The following SLC43A2 variants were observed in gnomAD, a reference collection of about 807,000 sequenced individuals.
The protein encoded by SLC43A2 is large neutral amino acids transporter small subunit 4.
Under a neutral mutation model 63.2 loss-of-function variants are expected in SLC43A2, and 38 were observed. The observed-to-expected ratio is 0.60, with a 90% confidence interval of 0.46 to 0.79. The LOEUF is 0.79. SLC43A2 is among the 30% of genes least tolerant of loss of function. The pLI is 0.00. For missense variants in SLC43A2, 644 were observed against 756.2 expected (o/e 0.85, Z 1.74); for synonymous variants, 322 against 331.0 (o/e 0.97, Z 0.30).
intron 13 of SLC43A2, 44 bp from the exon 14 acceptor site, chr17:1,575,809 G>T: frequency 6.4e-7 from 1 of 1,556,628 alleles, no homozygotes; most frequent in South Asian, 1.2e-5. Flanking sequence ...GTGGTGGTGC[G>T]CCGAGGCTGC....
At chr17:1,627,042 A>T (rs2151085938) in intron 2 of SLC43A2, among the ~76,000 whole-genome samples, 1 of 152,288 alleles carries the variant, frequency 6.6e-6, no homozygotes, top group East Asian at 1.9e-4. Context: ...TCCAGTGACA[A>T]GGCAAAGAGG....
intron 2 of SLC43A2, among the ~76,000 whole-genome samples, chr17:1,622,779 T>C (rs968229373): frequency 6.6e-6 from 1 of 151,880 alleles, no homozygotes; most frequent in East Asian, 1.9e-4. Flanking sequence ...CCGGGTGTGG[T>C]GGTGGGCACC....
chr17:1,611,909 C>CAT (rs1907142445), intron 5 of SLC43A2, among the ~76,000 whole-genome samples: 1 of 9,602 alleles, frequency 1.0e-4, no homozygotes, highest in Non-Finnish European at 8.2e-3. Flanking sequence ...TGGGCGAGCC[C>CAT]ACAGAGTTCC....
chr17:1,591,441 A>G lies in SLC43A2; in HGVS notation c.759T>C (p.Phe253=). The G allele has an allele frequency of 6.2e-7, 1 of 1,613,278 alleles. No homozygotes were observed. Among genetic ancestry groups the G allele is most frequent in the Non-Finnish European group, 8.5e-7 (1 of 1,179,920 alleles). ...SVKIKFSWLG[F]DHKITGKQFY... is the part of the protein sequence containing the mutation. The stretch of plus-strand genomic sequence containing the variant: ...ACTGCTTCCCTGTGATCTTGTGGTC[A>G]AAGCCCAGCCAGCTGAACTTGATCT... Residue 253 remains phenylalanine, a synonymous_variant, in exon 8 of 14, where the codon TTT becomes TTC. Transcript: ENST00000301335.
chr17:1,613,053 C>A (rs996588501), intron 5 of SLC43A2, 142 bp downstream of exon 5: 6 of 714,282 alleles, frequency 8.4e-6, no homozygotes, highest in Non-Finnish European at 1.4e-5. Context: ...TGCCAGGCCA[C>A]CTCGCCCATA....
At chr17:1,617,460 G>A (rs1330794324) in intron 2 of SLC43A2, among the ~76,000 whole-genome samples, 7 of 151,916 alleles carry the variant, frequency 4.6e-5, no homozygotes, top group African/African-American at 9.7e-5. Context: ...GCACGATCTC[G>A]GCTCACTGCA....
At chr17:1,598,250 G>A (rs913707507) in intron 5 of SLC43A2, among the ~76,000 whole-genome samples, 3 of 152,130 alleles carry the variant, frequency 2.0e-5, no homozygotes, top group African/African-American at 7.2e-5. Context: ...GTGAAACCTT[G>A]TCTCTACTAG....
At chr17:1,625,982 A>T (rs1199159169) in intron 2 of SLC43A2, among the ~76,000 whole-genome samples, 1 of 145,990 alleles carries the variant, frequency 6.8e-6, no homozygotes, top group South Asian at 2.2e-4. Context: ...CCATACAATC[A>T]ATTAAATCCG....
At chr17:1,602,096 C>T (rs1906102467) in intron 5 of SLC43A2, among the ~76,000 whole-genome samples, 1 of 152,206 alleles carries the variant, frequency 6.6e-6, no homozygotes, top group South Asian at 2.1e-4. Flanking sequence ...GTGTGCGCCG[C>T]CCTCCTGAAG....
At chr17:1,591,724 T>TGGGAGGGGGG in intron 6 of SLC43A2, 25 bp from the exon 7 acceptor site, 5 of 218,406 alleles carry the variant, frequency 2.3e-5, no homozygotes, top group Non-Finnish European at 3.7e-5. Flanking sequence ...GGGGACGGGG[T>TGGGAGGGGGG]GGGGGGGGGA....
intron 5 of SLC43A2, among the ~76,000 whole-genome samples, chr17:1,607,373 G>A (rs956318009): frequency 1.3e-5 from 2 of 152,238 alleles, no homozygotes; most frequent in Non-Finnish European, 1.5e-5. Flanking sequence ...AATGAGATTC[G>A]GCTCTGCTCA....
chr17:1,619,507 AAAG>A (rs1366838559), intron 2 of SLC43A2, among the ~76,000 whole-genome samples: 1 of 152,190 alleles, frequency 6.6e-6, no homozygotes, highest in African/African-American at 2.4e-5. Flanking sequence ...GGTTTTCCAA[AAAG>A]AAGCTCTACC....
chr17:1,576,958 C>T (rs1216826803), intron 12 of SLC43A2, among the ~76,000 whole-genome samples: 2 of 151,740 alleles, frequency 1.3e-5, no homozygotes, highest in East Asian at 3.9e-4. Context: ...TCCGCCTCCC[C>T]AGTCCAAACA....
intron 2 of SLC43A2, among the ~76,000 whole-genome samples, chr17:1,617,397 CTTT>C (rs941090181): frequency 2.0e-5 from 3 of 147,718 alleles, no homozygotes; most frequent in Non-Finnish European, 4.5e-5. Flanking sequence ...TTTTCTTTTT[CTTT>C]TTTTTTTTGA....
At chr17:1,610,041 C>T (rs965580086) in intron 5 of SLC43A2, among the ~76,000 whole-genome samples, 1 of 152,050 alleles carries the variant, frequency 6.6e-6, no homozygotes, top group Non-Finnish European at 1.5e-5. Flanking sequence ...TCCCAAGTAG[C>T]TGGGATTACA....
rs558235242 is a variant in SLC43A2 at position 1,592,140 on chromosome 17, T to C, written c.595-441A>G. 4.7e-5 allele frequency among the ~76,000 whole-genome samples: 7 copies of C among 149,806 alleles called. No individual in the cohort carries two copies. The South Asian group carries it at 1.5e-3, about 32-fold the overall frequency. ...CACATGGCAGAGGCCAAAGAAATGC[T>C]CAAGGAAGCCAGGCATGGTGGCTCA... On this transcript the variant is annotated intron_variant, in intron 6 of 13. Transcript: ENST00000301335.
intron 5 of SLC43A2, among the ~76,000 whole-genome samples, chr17:1,596,388 C>CT (rs1435301362): frequency 6.6e-6 from 1 of 151,826 alleles, no homozygotes; most frequent in Non-Finnish European, 1.5e-5. Context: ...CTTTGGAAGG[C>CT]TGGGGCAGCG....
chr17:1,625,502 T>C (rs1204597878), intron 2 of SLC43A2, among the ~76,000 whole-genome samples: 2 of 152,246 alleles, frequency 1.3e-5, no homozygotes, highest in African/African-American at 4.8e-5. Context: ...TATCTGCTTC[T>C]CTGCAATTCA....
rs1908462295 is a variant in SLC43A2 at position 1,624,380 on chromosome 17, C to G, written c.160+3335G>C. Among the ~76,000 whole-genome samples, 12 of 151,578 alleles carry G rather than the reference C, an allele frequency of 7.9e-5. 1 individual carries two copies. The highest frequency in any genetic ancestry group is 7.9e-4 in the Admixed American group (12 of 15,224). ...TTGAGCCCAGGAGTTTTGAGACCAG[C>G]CTGAGCAACGTGATGAAACCCTCAT... On this transcript the variant is annotated intron_variant, in intron 2 of 13. Coordinates refer to ENST00000301335, the MANE Select transcript of SLC43A2 (RefSeq NM_152346.3).
Sources: allele counts gnomAD v4.1 joint callset (sites outside exome capture counted in the v4.1 genomes callset), GRCh38; gene constraint gnomAD v4.1.1; transcripts MANE v1.5; gene names NCBI Gene and HGNC (gene_info 2026-07-23, HGNC 2026-07-21).